The following C5orf34 variants were observed in gnomAD, a reference collection of about 807,000 sequenced individuals.
C5orf34 encodes uncharacterized protein C5orf34.
A neutral mutation model predicts 78.4 loss-of-function variants in C5orf34; 73 were observed. That is an observed-to-expected ratio of 0.93 (90% CI 0.77 to 1.13). The LOEUF is 1.13. C5orf34 is among the 50% of genes most tolerant of loss of function. C5orf34 has a pLI of 0.00. For missense variants in C5orf34, 730 were observed against 732.7 expected, an observed-to-expected ratio of 1.00 and a Z score of 0.04; for synonymous variants, 251 against 246.6, an observed-to-expected ratio of 1.02 and a Z score of -0.17.
At chr5:43,510,797 C>T (rs570564882) in intron 1 of C5orf34, among the ~76,000 whole-genome samples, 309 of 152,338 alleles carry the variant, frequency 2.0e-3, no homozygotes, top group Middle Eastern at 0.01. Flanking sequence ...GCTACAACCT[C>T]CACCTCCCAG....
chr5:43,510,033 A>T (rs1746157336), intron 1 of C5orf34, among the ~76,000 whole-genome samples: 5 of 152,174 alleles, frequency 3.3e-5, no homozygotes, highest in Admixed American at 3.3e-4. Context: ...CATTACAGAC[A>T]TGAGCCACTG....
intron 4 of C5orf34, among the ~76,000 whole-genome samples, chr5:43,504,239 G>A (rs1246868329): frequency 2.6e-5 from 4 of 151,774 alleles, no homozygotes; most frequent in African/African-American, 4.8e-5. Flanking sequence ...CCCGGGAGGC[G>A]GAGGTTGCAG....
Position 43,506,413 on chromosome 5 carries a change from A to T in C5orf34, c.286-19T>A. On this transcript the variant is annotated intron_variant, in intron 3 of 12. Coordinates refer to ENST00000306862, the MANE Select transcript of C5orf34 (RefSeq NM_198566.4). ...AGATATGCTGCAAGGAGAGGGGAAAAGAGACGGTGAGTATTTTCTGTTAAC... is the reference window on the plus strand; with the variant it reads ...AGATATGCTGCAAGGAGAGGGGAAATGAGACGGTGAGTATTTTCTGTTAAC... 1 of 1,563,786 alleles carries T rather than the reference A, an allele frequency of 6.4e-7. No individual in the cohort carries two copies. Among genetic ancestry groups the T allele is most frequent in the Non-Finnish European group, 8.6e-7 (1 of 1,158,432 alleles).
At chr5:43,510,635 G>A (rs533634505) in intron 1 of C5orf34, among the ~76,000 whole-genome samples, 2 of 152,248 alleles carry the variant, frequency 1.3e-5, no homozygotes, top group African/African-American at 2.4e-5. Flanking sequence ...TGGAGACGGG[G>A]TTTCGCTGTG....
chr5:43,501,814 G>T (rs530064168), intron 6 of C5orf34, among the ~76,000 whole-genome samples: 10 of 152,270 alleles, frequency 6.6e-5, no homozygotes, highest in Admixed American at 3.9e-4. Context: ...TGATTGCTGT[G>T]AAATGGTAGA....
chr5:43,486,962 C>G lies in C5orf34; in HGVS notation c.1870G>C (p.Glu624Gln). Residue 624 changes from glutamate to glutamine, a missense_variant, in exon 13 of 13, where the codon GAA (glutamate) becomes CAA (glutamine). By Grantham distance (29) the Glu-to-Gln change is conservative (BLOSUM62 2). Coordinates refer to ENST00000306862, the MANE Select transcript of C5orf34 (RefSeq NM_198566.4). ...RVSIALKKTSEILHDIDCLLS... is the reference protein window; with the variant it reads ...RVSIALKKTSQILHDIDCLLS... ...AGACAGTCAATATCGTGAAGGATTT[C>G]AGAGGTTTTTTTCAATGCTATTGAT... 6.4e-7 allele frequency: 1 copy of G among 1,562,172 alleles called. No individual in the cohort carries two copies. Among genetic ancestry groups the G allele is most frequent in the Non-Finnish European group, 8.6e-7 (1 of 1,159,128 alleles).
chr5:43,499,991 G>A (rs1162351590), intron 6 of C5orf34, among the ~76,000 whole-genome samples: 1 of 152,154 alleles, frequency 6.6e-6, no homozygotes, highest in Non-Finnish European at 1.5e-5. Flanking sequence ...TAGATACTGA[G>A]AAGCAGAATT....
chr5:43,488,127 C>A (rs1295253005), intron 11 of C5orf34, 178 bp from the exon 12 acceptor site: 4 of 587,822 alleles, frequency 6.8e-6, no homozygotes, highest in Non-Finnish European at 1.2e-5. Flanking sequence ...CTGATACTTA[C>A]TGAGTGCCTT....
At chr5:43,502,101 C>T (rs1056721961) in intron 6 of C5orf34, among the ~76,000 whole-genome samples, 3 of 152,166 alleles carry the variant, frequency 2.0e-5, no homozygotes, top group Admixed American at 6.5e-5. Context: ...CTGGTTTCAG[C>T]ATTTTCCATC....
chr5:43,491,777 G>A (rs1745290163), intron 10 of C5orf34, among the ~76,000 whole-genome samples: 1 of 152,164 alleles, frequency 6.6e-6, no homozygotes, highest in African/African-American at 2.4e-5. Flanking sequence ...GCCAAGGTGG[G>A]CAGATCACCT....
chr5:43,493,622 C>CA lies in C5orf34; in HGVS notation c.1245-11dup, dbSNP rs1243012570. The CA allele has an allele frequency of 6.6e-7, 1 of 1,516,600 alleles. No homozygotes were observed. The highest frequency in any genetic ancestry group is 9.0e-7 in the Non-Finnish European group (1 of 1,113,814). 93.9% of individuals were successfully genotyped at this position (1,516,600 alleles called of 1,614,324 possible). On this transcript the variant is annotated splice_polypyrimidine_tract_variant and intron_variant, in intron 7 of 12. Coordinates refer to ENST00000306862, the MANE Select transcript of C5orf34 (RefSeq NM_198566.4). ...ACAATGTTGAAGAATTCTGTGAACA[C>CA]AAAAAATACTACTTAAACATTTGCA...
At chr5:43,495,905 G>A in intron 6 of C5orf34, 1 of 1,592,296 alleles carries the variant, frequency 6.3e-7, no homozygotes, top group Non-Finnish European at 8.6e-7. Flanking sequence ...TACTGTGTCA[G>A]GGTTGTAACC....
intron 4 of C5orf34, chr5:43,505,547 G>C: frequency 1.9e-6 from 1 of 529,776 alleles, no homozygotes; most frequent in Non-Finnish European, 3.3e-6. Flanking sequence ...TGTAGAGTCA[G>C]CCTTCTACAT....
At chr5:43,502,113 A>G (rs1026114297) in intron 6 of C5orf34, among the ~76,000 whole-genome samples, 15 of 152,232 alleles carry the variant, frequency 9.9e-5, no homozygotes, top group African/African-American at 2.9e-4. Flanking sequence ...TTTTCCATCA[A>G]TAAAGTCTAT....
In C5orf34 at chr5:43,506,123, A is replaced by G; in HGVS notation, c.557T>C (p.Leu186Ser). The G allele has an allele frequency of 6.2e-7, 1 of 1,614,214 alleles. No individual in the cohort carries two copies. Among genetic ancestry groups the G allele is most frequent in the Non-Finnish European group, 8.5e-7 (1 of 1,180,046 alleles). Residue 186 changes from leucine (L) to serine (S), a missense_variant, in exon 4 of 13, where the codon TTA becomes TCA. By Grantham distance (145) the Leu-to-Ser change is moderately radical (BLOSUM62 -2). Transcript: ENST00000306862. ...TTTATTCTTCAGTCTCTGTCCTGGT[A>G]AATTTCCACGTATACAGATTTTGCC... is the stretch of plus-strand genomic sequence containing the variant. ...KTGKICIRGN[L>S]PGQRLKNKEN...
chr5:43,507,292 A>G (rs929478634), intron 3 of C5orf34, among the ~76,000 whole-genome samples: 29 of 152,214 alleles, frequency 1.9e-4, no homozygotes, highest in African/African-American at 7.0e-4. Context: ...TTAGCATTTC[A>G]ATTCCATTTA....
intron 1 of C5orf34, among the ~76,000 whole-genome samples, chr5:43,513,278 A>T (rs1253578817): frequency 2.6e-5 from 4 of 152,178 alleles, no homozygotes; most frequent in Admixed American, 6.5e-5. Flanking sequence ...CAGAGCTTTC[A>T]GGTGGCTGCC....
intron 11 of C5orf34, among the ~76,000 whole-genome samples, chr5:43,489,244 G>A (rs1035102408): frequency 6.6e-6 from 1 of 151,912 alleles, no homozygotes; most frequent in Admixed American, 6.6e-5. Flanking sequence ...ATAATGGAGG[G>A]TGTGGCGGAA....
intron 3 of C5orf34, 22 bp from the exon 4 acceptor site, chr5:43,506,416 G>C (rs1460417936): frequency 2.6e-6 from 4 of 1,561,588 alleles, no homozygotes; most frequent in Non-Finnish European, 3.5e-6. Context: ...GGGGAAAAGA[G>C]ACGGTGAGTA....
Sources: allele counts gnomAD v4.1 joint callset (sites outside exome capture counted in the v4.1 genomes callset), GRCh38; gene constraint gnomAD v4.1.1; transcripts MANE v1.5; gene names NCBI Gene and HGNC (gene_info 2026-07-23, HGNC 2026-07-21).